EPB41L5: variants seen among roughly 807,000 people sequenced by gnomAD.
EPB41L5 encodes the protein erythrocyte membrane protein band 4.1 like 5.
Under a neutral mutation model 106.6 loss-of-function variants are expected in EPB41L5, and 55 were observed. The observed-to-expected ratio is 0.52, with a 90% confidence interval of 0.42 to 0.65. The LOEUF is 0.65. EPB41L5 is among the 30% of genes least tolerant of loss of function. The pLI is 0.00. For synonymous variants in EPB41L5, 297 were observed against 306.7 expected, an observed-to-expected ratio of 0.97 and a Z score of 0.33; for missense variants, 871 against 882.1, an observed-to-expected ratio of 0.99 and a Z score of 0.16.
chr2:120,053,569 A>G (rs1051903166), intron 3 of EPB41L5, among the ~76,000 whole-genome samples: 2 of 152,198 alleles, frequency 1.3e-5, no homozygotes, highest in Non-Finnish European at 2.9e-5. Context: ...TTTCATTTGA[A>G]TGGAATCATG....
intron 3 of EPB41L5, among the ~76,000 whole-genome samples, chr2:120,066,348 T>G (rs754243034): frequency 6.6e-6 from 1 of 152,184 alleles, no homozygotes; most frequent in Non-Finnish European, 1.5e-5. Flanking sequence ...AATGAAAATA[T>G]GTATTTAATA....
intron 16 of EPB41L5, among the ~76,000 whole-genome samples, chr2:120,118,955 A>AGT (rs1685081387): frequency 1.3e-5 from 2 of 152,356 alleles, no homozygotes; most frequent in Non-Finnish European, 2.9e-5. Context: ...TCCCACCAAC[A>AGT]GTGTAAAACA....
intron 19 of EPB41L5, 85 bp from the exon 20 acceptor site, chr2:120,146,140 G>C (rs1400038573): frequency 2.4e-6 from 2 of 820,144 alleles, no homozygotes; most frequent in African/African-American, 3.5e-5. Flanking sequence ...TGATATTTCT[G>C]TTGTTACCAG....
rs530749139 is a variant in EPB41L5, at chr2:120,034,748, C to T, written c.181-7258C>T. ...GGCATCATGGTGCACACCTGTAGTC[C>T]CAGCAACTTGGGAGACTGAGCCGAA... On this transcript the variant is annotated intron_variant, in intron 2 of 24. Transcript: ENST00000263713. Among the ~76,000 whole-genome samples, 8 of 152,034 alleles carry T rather than the reference C, an allele frequency of 5.3e-5. No homozygotes were observed. In the East Asian group the frequency reaches 9.7e-4, roughly 18 times the overall value.
intron 18 of EPB41L5, among the ~76,000 whole-genome samples, chr2:120,139,188 A>C (rs1686065999): frequency 6.6e-6 from 1 of 152,124 alleles, no homozygotes; most frequent in Non-Finnish European, 1.5e-5. Flanking sequence ...AAATGGATTA[A>C]AGACTTAAAT....
intron 16 of EPB41L5, chr2:120,105,912 A>G (rs895114126): frequency 7.1e-6 from 7 of 985,144 alleles, no homozygotes; most frequent in South Asian, 4.7e-5. Flanking sequence ...TATGTATATC[A>G]TTAAAAAAAG....
chr2:120,018,941 C>A (rs1354684169), intron 1 of EPB41L5, 136 bp from the exon 2 acceptor site: 4 of 744,208 alleles, frequency 5.4e-6, no homozygotes, highest in Non-Finnish European at 6.5e-6. Context: ...TCACTGCACC[C>A]AGCCCAGGTG....
chr2:120,098,292 C>T (rs945617377), intron 14 of EPB41L5, among the ~76,000 whole-genome samples: 2 of 152,038 alleles, frequency 1.3e-5, no homozygotes, highest in Non-Finnish European at 2.9e-5. Context: ...TCACTGTAGC[C>T]TCAACCTCCT....
In EPB41L5 at chr2:120,100,759, G is replaced by T; in HGVS notation, c.1282G>T (p.Val428Leu). Residue 428 changes from valine to leucine, a missense_variant, in exon 16 of 25, where the codon GTG becomes TTG. By Grantham distance (32) the Val-to-Leu change is conservative. Coordinates refer to ENST00000263713, the MANE Select transcript of EPB41L5 (RefSeq NM_020909.4). ...TTCCATTTCCTCTGCTCCTGTGCCA[G>T]TGGAGATAGAGAATCTTCCACAGAG... ...SPSISSAPVP[V>L]EIENLPQSPG... 1.2e-6 allele frequency: 2 copies of T among 1,613,418 alleles called. No individual in the cohort carries two copies. Among genetic ancestry groups the T allele is most frequent in the South Asian group, 2.2e-5 (2 of 91,038 alleles).
At chr2:120,100,380 C>A in intron 15 of EPB41L5, 94 bp downstream of exon 15, 1 of 1,165,494 alleles carries the variant, frequency 8.6e-7, no homozygotes, top group Non-Finnish European at 1.3e-6. Flanking sequence ...GTGTATGTAA[C>A]CCTGCACAAA....
At chr2:120,168,272 T>G (rs2105562447) in intron 24 of EPB41L5, among the ~76,000 whole-genome samples, 1 of 152,338 alleles carries the variant, frequency 6.6e-6, no homozygotes, top group Non-Finnish European at 1.5e-5. Flanking sequence ...TGTTTTAAAG[T>G]CAATTTGTAT....
chr2:120,094,866 T>A (rs1029745684), intron 14 of EPB41L5, among the ~76,000 whole-genome samples: 21 of 152,192 alleles, frequency 1.4e-4, no homozygotes, highest in African/African-American at 5.1e-4. Flanking sequence ...TGTCAAAATT[T>A]TATTTTTTTC....
At chr2:120,061,679 A>G (rs947265271) in intron 3 of EPB41L5, among the ~76,000 whole-genome samples, 9 of 152,188 alleles carry the variant, frequency 5.9e-5, no homozygotes, top group Non-Finnish European at 8.8e-5. Context: ...AAAGAAAAAT[A>G]AGTTAGTTAG....
intron 3 of EPB41L5, among the ~76,000 whole-genome samples, chr2:120,054,879 TTTTTGAGACGGAGTTTCAC>T: frequency 6.6e-6 from 1 of 151,182 alleles, no homozygotes; most frequent in Non-Finnish European, 1.5e-5. Flanking sequence ...TTTTTTTTTT[TTTTTGAGACGGAGTTTCAC>T]TTTTGTTGCC....
At chr2:120,104,955 T>G in intron 16 of EPB41L5, 2 of 981,344 alleles carry the variant, frequency 2.0e-6, no homozygotes, top group Non-Finnish European at 2.4e-6. Flanking sequence ...GTTACATTAC[T>G]ACTGAATGGT....
At chr2:120,042,147 G>A in intron 3 of EPB41L5, 37 bp downstream of exon 3, 2 of 1,472,868 alleles carry the variant, frequency 1.4e-6, no homozygotes, top group Admixed American at 1.7e-5. Flanking sequence ...AGCATAAGGA[G>A]AAGAAACAGG....
intron 18 of EPB41L5, among the ~76,000 whole-genome samples, chr2:120,141,034 C>G (rs1686149758): frequency 6.6e-6 from 1 of 152,104 alleles, no homozygotes; most frequent in Non-Finnish European, 1.5e-5. Flanking sequence ...AAGGCTCAGA[C>G]TAGCACTACT....
chr2:120,082,661 A>C lies in EPB41L5; in HGVS notation c.803+4080A>C, dbSNP rs182459210. On this transcript the variant is annotated intron_variant, in intron 10 of 24. Coordinates refer to ENST00000263713, the MANE Select transcript of EPB41L5 (RefSeq NM_020909.4). ...GATTCCCTCTTTTTCTATCAGTTAG[A>C]ATAGTTTCAGAAGGAATGGTACCAG... Among the ~76,000 whole-genome samples, 23 of 152,260 alleles carry C rather than the reference A, an allele frequency of 1.5e-4. No homozygotes were observed. The East Asian group carries it at 4.3e-3, about 28-fold the overall frequency.
intron 24 of EPB41L5, among the ~76,000 whole-genome samples, chr2:120,174,437 C>CCTGGGCGACAGAG (rs1687840747): frequency 6.6e-6 from 1 of 150,912 alleles, no homozygotes; most frequent in South Asian, 2.1e-4. Context: ...TGCACTCCAG[C>CCTGGGCGACAGAG]CTGGGCGACA....
Sources: gnomAD v4.1 joint callset for allele counts (sites outside exome capture counted in the v4.1 genomes callset) on GRCh38, gnomAD v4.1.1 for gene constraint, MANE v1.5 for transcripts, NCBI Gene and HGNC (gene_info 2026-07-23, HGNC 2026-07-21) for gene names.